GBE1: variants seen among roughly 807,000 people sequenced by gnomAD.
GBE1 encodes the protein 1,4-alpha-glucan-branching enzyme.
A neutral mutation model predicts 88.8 loss-of-function variants in GBE1; 70 were observed. The ratio of observed to expected loss-of-function variants is 0.79; its 90% confidence interval spans 0.65 to 0.96. The LOEUF (loss-of-function observed/expected upper bound fraction) is 0.96, where lower values mean the gene tolerates loss of function less well. GBE1 is among the 40% of genes least tolerant of loss of function. The pLI, the probability that GBE1 is intolerant of heterozygous loss-of-function variation, is 0.00. For missense variants in GBE1, 872 were observed against 871.0 expected (o/e 1.00, Z -0.01); for synonymous variants, 284 against 300.1 (o/e 0.95, Z 0.56).
intron 3 of GBE1, among the ~76,000 whole-genome samples, chr3:81,670,518 T>C (rs1705175269): frequency 6.6e-6 from 1 of 152,192 alleles, no homozygotes; most frequent in African/African-American, 2.4e-5. Flanking sequence ...CAGGTTTCAT[T>C]TTTCCATTAA....
At chr3:81,683,700 T>C (rs1705391232) in intron 2 of GBE1, among the ~76,000 whole-genome samples, 1 of 152,210 alleles carries the variant, frequency 6.6e-6, no homozygotes, top group South Asian at 2.1e-4. Flanking sequence ...AACACAGATC[T>C]GAAACTTTCA....
intron 1 of GBE1, among the ~76,000 whole-genome samples, chr3:81,731,598 G>A (rs1400398130): frequency 1.3e-5 from 2 of 152,086 alleles, no homozygotes; most frequent in Non-Finnish European, 2.9e-5. Flanking sequence ...CCTAATGTTG[G>A]AGGAGGGGCC....
At chr3:81,719,678 T>C (rs1055202013) in intron 1 of GBE1, among the ~76,000 whole-genome samples, 7 of 152,198 alleles carry the variant, frequency 4.6e-5, no homozygotes, top group Non-Finnish European at 1.0e-4. Flanking sequence ...GTTTAAAACA[T>C]AGTTTGAAGT....
chr3:81,534,416 CAGTA>C (rs1312155733), intron 14 of GBE1, among the ~76,000 whole-genome samples: 8 of 151,906 alleles, frequency 5.3e-5, no homozygotes, highest in Admixed American at 3.9e-4. Flanking sequence ...AATAGGTACT[CAGTA>C]AGTATCTATA....
At chr3:81,594,643 T>TA (rs1559656391) in intron 7 of GBE1, among the ~76,000 whole-genome samples, 1 of 151,720 alleles carries the variant, frequency 6.6e-6, no homozygotes, top group Non-Finnish European at 1.5e-5. Context: ...TTCGTGAAGG[T>TA]AAAAAAAGAA....
chr3:81,752,228 G>T (rs961153536), intron 1 of GBE1, among the ~76,000 whole-genome samples: 6 of 152,056 alleles, frequency 3.9e-5, no homozygotes, highest in Non-Finnish European at 7.4e-5. Flanking sequence ...GCAGAATATT[G>T]GATTTATAAC....
intron 15 of GBE1, among the ~76,000 whole-genome samples, chr3:81,494,292 G>A (rs769545777): frequency 3.4e-4 from 51 of 152,050 alleles, no homozygotes; most frequent in Admixed American, 6.6e-4. Flanking sequence ...ACTAAAGAAC[G>A]TAAGATAATC....
At chr3:81,516,276 C>G (rs999715686) in intron 14 of GBE1, among the ~76,000 whole-genome samples, 1 of 151,518 alleles carries the variant, frequency 6.6e-6, no homozygotes, top group African/African-American at 2.4e-5. Context: ...TTCCAAAAAC[C>G]TATGCCCTTA....
At chr3:81,573,769 C>CTG (rs1296703800) in intron 12 of GBE1, among the ~76,000 whole-genome samples, 6 of 101,824 alleles carry the variant, frequency 5.9e-5, no homozygotes, top group African/African-American at 2.0e-4. Context: ...CTCTCTCTCT[C>CTG]TCTCTCTGTG....
chr3:81,502,859 C>T (rs1294824318), intron 14 of GBE1, among the ~76,000 whole-genome samples: 3 of 152,126 alleles, frequency 2.0e-5, no homozygotes, highest in East Asian at 1.9e-4. Context: ...AAATATGACT[C>T]AAAGCCAATG....
chr3:81,713,639 T>A (rs1435813274), intron 1 of GBE1, among the ~76,000 whole-genome samples: 2 of 152,182 alleles, frequency 1.3e-5, no homozygotes, highest in Non-Finnish European at 2.9e-5. Flanking sequence ...ATGAAAAGAA[T>A]TTTTTAAATG....
intron 1 of GBE1, among the ~76,000 whole-genome samples, chr3:81,736,123 C>G (rs143325592): frequency 9.2e-5 from 14 of 152,262 alleles, no homozygotes; most frequent in African/African-American, 2.9e-4. Context: ...GATTTCCCAG[C>G]TGAGAGATAC....
intron 1 of GBE1, among the ~76,000 whole-genome samples, chr3:81,717,955 T>TTTTATTTA (rs57810073): frequency 0.012 from 1,750 of 147,058 alleles, 21 homozygotes; most frequent in African/African-American, 0.021. Context: ...GGAAATTTTA[T>TTTTATTTA]TTTATTTATT....
At chr3:81,694,780 T>C (rs1445236500) in intron 2 of GBE1, among the ~76,000 whole-genome samples, 1 of 152,224 alleles carries the variant, frequency 6.6e-6, no homozygotes, top group Non-Finnish European at 1.5e-5. Context: ...CTGCCCTAAC[T>C]CTGCTTATCC....
intron 7 of GBE1, chr3:81,612,964 A>T (rs1704202271): frequency 2.5e-6 from 1 of 406,774 alleles, no homozygotes; most frequent in African/African-American, 2.1e-5. Context: ...GACGATGATG[A>T]CGCAAAGGAG....
intron 7 of GBE1, among the ~76,000 whole-genome samples, chr3:81,617,017 T>TTTTTAATTTTAA (rs1704257317): frequency 6.6e-6 from 1 of 151,896 alleles, no homozygotes; most frequent in East Asian, 1.9e-4. Flanking sequence ...AATAGTATAT[T>TTTTTAATTTTAA]TTTTAATTTT....
At chr3:81,671,745 A>G (rs1212517341) in intron 2 of GBE1, among the ~76,000 whole-genome samples, 2 of 152,120 alleles carry the variant, frequency 1.3e-5, no homozygotes, top group Non-Finnish European at 2.9e-5. Flanking sequence ...TATTTACAAT[A>G]TTGGAGTATA....
At chr3:81,593,664 G>T (rs1288859780) in intron 8 of GBE1, among the ~76,000 whole-genome samples, 1 of 151,722 alleles carries the variant, frequency 6.6e-6, no homozygotes, top group East Asian at 1.9e-4. Flanking sequence ...TACAATAAAT[G>T]GTTTCCTCAA....
chr3:81,745,866 A>G (rs149281782), intron 1 of GBE1, among the ~76,000 whole-genome samples: 91 of 152,244 alleles, frequency 6.0e-4, no homozygotes, highest in South Asian at 1.7e-3. Flanking sequence ...TCCATCTCTC[A>G]ACAACTAATC....
Sources: allele counts gnomAD v4.1 joint callset (sites outside exome capture counted in the v4.1 genomes callset), GRCh38; gene constraint gnomAD v4.1.1; transcripts MANE v1.5; gene names NCBI Gene and HGNC (gene_info 2026-07-23, HGNC 2026-07-21).